The following TMEM51 variants were observed in gnomAD, a reference collection of about 807,000 sequenced individuals.
The protein encoded by TMEM51 is chromosome 1 open reading frame 72.
In TMEM51, 8 loss-of-function variants were observed where a neutral mutation model predicts 13.6. That is an observed-to-expected ratio of 0.59 (90% CI 0.35 to 1.07). The LOEUF (loss-of-function observed/expected upper bound fraction) is 1.07. TMEM51 is among the 50% of genes least tolerant of loss of function. The pLI is 0.02. For synonymous variants in TMEM51, 147 were observed against 144.4 expected (o/e 1.02, Z -0.13); for missense variants, 279 against 330.7 (o/e 0.84, Z 1.21).
chr1:15,162,381 T>C (rs1401164178), intron 1 of TMEM51, among the ~76,000 whole-genome samples: 3 of 152,066 alleles, frequency 2.0e-5, no homozygotes, highest in African/African-American at 7.3e-5. Context: ...CAAGCTGGTC[T>C]TGAACTCCTG....
At position 15,180,713 on chromosome 1, in the gene TMEM51, C is replaced by T. The variant is rs144937630; in HGVS notation, c.-267+26759C>T. Among the ~76,000 whole-genome samples the T allele has an allele frequency of 4.8e-3, 737 of 152,272 alleles. 3 individuals are homozygous for T. The highest frequency in any genetic ancestry group is 0.017 in the African/African-American group (702 of 41,536). ...CTCTTCTGTAAAACGAAGACAGTGGCCGTACTTCTTCCCTCACAGAGCCTT... is the reference window on the plus strand; with the variant it reads ...CTCTTCTGTAAAACGAAGACAGTGGTCGTACTTCTTCCCTCACAGAGCCTT... On this transcript the variant is annotated intron_variant, in intron 1 of 3. Coordinates refer to ENST00000376008, the MANE Select transcript of TMEM51 (RefSeq NM_001136218.2).
At chr1:15,192,121 C>A in intron 1 of TMEM51, 1 of 467,256 alleles carries the variant, frequency 2.1e-6, no homozygotes, top group South Asian at 1.7e-5. Context: ...GACCAGCTGT[C>A]CGTTTTGATG....
At chr1:15,198,843 G>C (rs1006959551) in intron 1 of TMEM51, among the ~76,000 whole-genome samples, 2 of 152,248 alleles carry the variant, frequency 1.3e-5, no homozygotes, top group African/African-American at 2.4e-5. Context: ...ACTGTGCTTG[G>C]AGGTGAGCTG....
chr1:15,160,835 G>A (rs1449420718), intron 1 of TMEM51, among the ~76,000 whole-genome samples: 9 of 151,996 alleles, frequency 5.9e-5, no homozygotes, highest in Non-Finnish European at 1.2e-4. Flanking sequence ...GCTGAGCCCA[G>A]GAACGAGGGA....
intron 2 of TMEM51, among the ~76,000 whole-genome samples, chr1:15,211,247 A>G (rs764419303): frequency 6.6e-6 from 1 of 152,166 alleles, no homozygotes; most frequent in Non-Finnish European, 1.5e-5. Context: ...CTTTTTAGAC[A>G]TTCTTTTTGG....
At chr1:15,219,209 G>A in intron 3 of TMEM51, 117 bp from the exon 4 acceptor site, 1 of 1,083,942 alleles carries the variant, frequency 9.2e-7, no homozygotes, top group East Asian at 2.4e-5. Flanking sequence ...TTGCCTCTAA[G>A]ACCCATTTGT....
At chr1:15,182,301 A>T (rs796395797) in intron 1 of TMEM51, among the ~76,000 whole-genome samples, 13 of 152,332 alleles carry the variant, frequency 8.5e-5, no homozygotes, top group African/African-American at 2.9e-4. Flanking sequence ...TGACCTTGAG[A>T]ATGTGTCACT....
intron 1 of TMEM51, among the ~76,000 whole-genome samples, chr1:15,185,270 C>T (rs1245293077): frequency 6.6e-6 from 1 of 150,502 alleles, no homozygotes; most frequent in Non-Finnish European, 1.5e-5. Flanking sequence ...CCACATTGCC[C>T]AAAACTGTAT....
intron 1 of TMEM51, among the ~76,000 whole-genome samples, chr1:15,187,117 C>A (rs772176691): frequency 6.6e-6 from 1 of 152,086 alleles, no homozygotes; most frequent in Non-Finnish European, 1.5e-5. Context: ...CCAGAGAGGC[C>A]ACAGCTATCC....
chr1:15,181,244 A>G (rs916476375), intron 1 of TMEM51, among the ~76,000 whole-genome samples: 1 of 152,150 alleles, frequency 6.6e-6, no homozygotes, highest in Non-Finnish European at 1.5e-5. Flanking sequence ...CACCCTGAAC[A>G]CTGTAAACCT....
chr1:15,209,063 G>T (rs142233715), intron 1 of TMEM51, among the ~76,000 whole-genome samples: 99 of 152,002 alleles, frequency 6.5e-4, no homozygotes, highest in African/African-American at 2.2e-3. Context: ...GTGTGTGTGT[G>T]TGTTTGTTTG....
At chr1:15,183,679 G>A (rs1398691656) in intron 1 of TMEM51, among the ~76,000 whole-genome samples, 2 of 152,176 alleles carry the variant, frequency 1.3e-5, no homozygotes, top group Non-Finnish European at 2.9e-5. Flanking sequence ...TGCCTTCATA[G>A]AGCTTACACC....
At chr1:15,164,018 C>T (rs1026728029) in intron 1 of TMEM51, among the ~76,000 whole-genome samples, 1 of 151,848 alleles carries the variant, frequency 6.6e-6, no homozygotes, top group African/African-American at 2.4e-5. Flanking sequence ...TTAGTAGAGA[C>T]AGGGTTTCAC....
At chr1:15,171,123 C>T in intron 1 of TMEM51, 1 of 1,276,460 alleles carries the variant, frequency 7.8e-7, no homozygotes, top group Non-Finnish European at 1.0e-6. Context: ...CCACATCCCC[C>T]ACCCCCAGTT....
intron 1 of TMEM51, among the ~76,000 whole-genome samples, chr1:15,206,432 C>T (rs1300316196): frequency 1.3e-5 from 2 of 152,266 alleles, no homozygotes; most frequent in South Asian, 2.1e-4. Context: ...CTGGGAACCT[C>T]GGTGCCTTGC....
intron 1 of TMEM51, among the ~76,000 whole-genome samples, chr1:15,189,615 A>G (rs1306660747): frequency 6.6e-6 from 1 of 152,200 alleles, no homozygotes; most frequent in South Asian, 2.1e-4. Context: ...GGCTTGCAGG[A>G]GGATGATCTG....
intron 1 of TMEM51, among the ~76,000 whole-genome samples, chr1:15,191,458 C>T (rs1331184516): frequency 6.6e-6 from 1 of 152,180 alleles, no homozygotes; most frequent in East Asian, 1.9e-4. Context: ...GGTTTTCACC[C>T]ACGTCGAGTC....
intron 2 of TMEM51, among the ~76,000 whole-genome samples, chr1:15,214,005 C>A (rs144321734): frequency 4.2e-4 from 54 of 128,156 alleles, no homozygotes; most frequent in African/African-American, 1.4e-3. Flanking sequence ...CAGCACCCAG[C>A]CTTTTTTTTT....
At chr1:15,177,508 A>G (rs1243233875) in intron 1 of TMEM51, among the ~76,000 whole-genome samples, 1 of 152,086 alleles carries the variant, frequency 6.6e-6, no homozygotes, top group Non-Finnish European at 1.5e-5. Context: ...ACAAAAGAGG[A>G]CACAGACTGA....
Sources: allele counts gnomAD v4.1 joint callset (sites outside exome capture counted in the v4.1 genomes callset), GRCh38; gene constraint gnomAD v4.1.1; transcripts MANE v1.5; gene names NCBI Gene and HGNC (gene_info 2026-07-23, HGNC 2026-07-21).